Variants in EXOC6 observed in about 807,000 individuals in gnomAD.
The protein encoded by EXOC6 is SEC15-like 1.
Under a neutral mutation model 112.5 loss-of-function variants are expected in EXOC6, and 60 were observed. The ratio of observed to expected loss-of-function variants is 0.53; its 90% CI spans 0.43 to 0.66. The LOEUF is 0.66. Among genes scored for constraint, EXOC6 ranks in the 30% least tolerant of loss-of-function variants. The pLI, the probability that EXOC6 is intolerant of heterozygous loss-of-function variation, is 0.00. For missense variants in EXOC6, 855 were observed against 957.1 expected (o/e 0.89, Z 1.41); for synonymous variants, 295 against 308.0 (o/e 0.96, Z 0.44).
chr10:93,034,067 A>C (rs1330841254), intron 20 of EXOC6, among the ~76,000 whole-genome samples: 1 of 152,204 alleles, frequency 6.6e-6, no homozygotes, highest in African/African-American at 2.4e-5. Flanking sequence ...AACTATATAT[A>C]TTAACAATGG....
chr10:92,867,367 C>T (rs1344604348), intron 1 of EXOC6, among the ~76,000 whole-genome samples: 1 of 152,094 alleles, frequency 6.6e-6, no homozygotes, highest in Non-Finnish European at 1.5e-5. Context: ...CATGCAGTAA[C>T]TAGAAACCAC....
At chr10:93,038,063 A>AT (rs1259800045) in intron 20 of EXOC6, among the ~76,000 whole-genome samples, 18 of 149,724 alleles carry the variant, frequency 1.2e-4, no homozygotes, top group Non-Finnish European at 2.2e-4. Flanking sequence ...AAAAAAAAAA[A>AT]AAATTTTTCT....
intron 20 of EXOC6, among the ~76,000 whole-genome samples, chr10:93,043,212 G>A (rs1415170427): frequency 6.6e-6 from 1 of 152,060 alleles, no homozygotes; most frequent in Admixed American, 6.6e-5. Flanking sequence ...TGGGATTACG[G>A]GCCTGAGCCA....
chr10:92,941,651 A>G (rs1022434459), intron 13 of EXOC6, among the ~76,000 whole-genome samples: 1 of 152,202 alleles, frequency 6.6e-6, no homozygotes, highest in African/African-American at 2.4e-5. Context: ...AGAGACAGAA[A>G]TTTACAGCTT....
chr10:92,896,181 ATTTTTTTTTTTTTTTTTT>A (rs58783356), intron 4 of EXOC6, among the ~76,000 whole-genome samples: 705 of 10,172 alleles, frequency 0.069, 26 homozygotes, highest in Middle Eastern at 0.33. Context: ...ATATATATAT[ATTTTTTTTTTTTTTTTTT>A]TTTTTTTTTT....
intron 19 of EXOC6, among the ~76,000 whole-genome samples, chr10:93,000,646 A>G (rs1843716486): frequency 6.6e-6 from 1 of 152,134 alleles, no homozygotes; most frequent in Non-Finnish European, 1.5e-5. Context: ...TTCCTTTAAG[A>G]TTTTGCCTAT....
intron 1 of EXOC6, among the ~76,000 whole-genome samples, chr10:92,888,566 C>A (rs544616440): frequency 3.9e-5 from 6 of 152,216 alleles, no homozygotes; most frequent in African/African-American, 1.4e-4. Context: ...TTCGGGTAGT[C>A]CTGAAATATC....
intron 1 of EXOC6, among the ~76,000 whole-genome samples, chr10:92,881,412 C>T (rs1233021437): frequency 6.6e-6 from 1 of 152,172 alleles, no homozygotes; most frequent in Non-Finnish European, 1.5e-5. Flanking sequence ...GGACCTATGT[C>T]ATAATACTAC....
chr10:92,960,971 C>T (rs1341880912), intron 17 of EXOC6, among the ~76,000 whole-genome samples: 3 of 152,002 alleles, frequency 2.0e-5, no homozygotes, highest in Non-Finnish European at 4.4e-5. Flanking sequence ...TTGCTTTCAT[C>T]CTGGTTATTG....
At chr10:92,921,396 C>A (rs2133912308) in intron 8 of EXOC6, among the ~76,000 whole-genome samples, 1 of 152,038 alleles carries the variant, frequency 6.6e-6, no homozygotes, top group South Asian at 2.1e-4. Context: ...AGGCACCCGC[C>A]ACCATGGCCA....
chr10:92,981,601 C>G lies in EXOC6; in HGVS notation c.1953+7369C>G, dbSNP rs940246214. On this transcript the variant is annotated intron_variant, in intron 18 of 21. Coordinates refer to ENST00000260762, the MANE Select transcript of EXOC6 (RefSeq NM_019053.6). ...TCAATTTGTTCATTTTTCTTCCTTT[C>G]TAGAAACTCTTCATTGTTTTGTCTT... 2.6e-5 allele frequency among the ~76,000 whole-genome samples: 4 copies of G among 152,102 alleles called. No individual in the cohort carries two copies. The East Asian group carries it at 7.7e-4, about 29-fold the overall frequency.
chr10:93,033,893 A>G (rs541847545), intron 20 of EXOC6, among the ~76,000 whole-genome samples: 25 of 152,362 alleles, frequency 1.6e-4, no homozygotes, highest in Non-Finnish European at 3.7e-4. Flanking sequence ...ATTCTGAAAG[A>G]CAGCTAAAGG....
chr10:92,934,567 T>C lies in EXOC6; in HGVS notation c.1140+137T>C, dbSNP rs543385916. ...AGTTGCTTAGATTTGGAAGTAGTAA[T>C]GTCAGGCTTTTGTTTGGTAATATCA... On this transcript the variant is annotated intron_variant, in intron 11 of 21. Coordinates refer to ENST00000260762, the MANE Select transcript of EXOC6 (RefSeq NM_019053.6). 253 of 706,444 alleles carry C rather than the reference T, an allele frequency of 3.6e-4. 1 individual carries two copies. In the African/African-American group the frequency reaches 4.4e-3, roughly 12 times the overall value. 43.8% of individuals were successfully genotyped at this position (706,444 alleles called of 1,614,324 possible).
At chr10:93,015,616 C>G (rs1844471156) in intron 20 of EXOC6, among the ~76,000 whole-genome samples, 1 of 152,136 alleles carries the variant, frequency 6.6e-6, no homozygotes, top group African/African-American at 2.4e-5. Context: ...GCCTGTAGTC[C>G]CAGCTACTGG....
intron 18 of EXOC6, among the ~76,000 whole-genome samples, chr10:92,975,918 T>TGGGG (rs1366945210): frequency 9.9e-6 from 1 of 100,598 alleles, no homozygotes; most frequent in Non-Finnish European, 2.1e-5. Flanking sequence ...GGGAGGGAGG[T>TGGGG]GGGGGGGTCA....
upstream of EXOC6, among the ~76,000 whole-genome samples, chr10:92,843,728 G>A (rs911076497): frequency 2.0e-5 from 3 of 152,052 alleles, no homozygotes; most frequent in Non-Finnish European, 2.9e-5. Context: ...GGTGGCTCCC[G>A]CCTGTAATCC....
At chr10:93,057,857 C>T (rs1476860343) in intron 21 of EXOC6, among the ~76,000 whole-genome samples, 1 of 152,068 alleles carries the variant, frequency 6.6e-6, no homozygotes, top group East Asian at 1.9e-4. Context: ...TTTACATTTT[C>T]TAATGTTATT....
At chr10:93,032,482 G>A (rs925329252) in intron 20 of EXOC6, among the ~76,000 whole-genome samples, 1 of 152,166 alleles carries the variant, frequency 6.6e-6, no homozygotes, top group Admixed American at 6.5e-5. Flanking sequence ...AAAGTCTAAT[G>A]TTTTCATCTC....
At chr10:92,966,611 C>T (rs552716523) in intron 17 of EXOC6, among the ~76,000 whole-genome samples, 1 of 151,372 alleles carries the variant, frequency 6.6e-6, no homozygotes, top group East Asian at 1.9e-4. Flanking sequence ...CTACAAAGGA[C>T]ATGAACTCAT....
Sources: gnomAD v4.1 joint callset for allele counts (sites outside exome capture counted in the v4.1 genomes callset) on GRCh38, gnomAD v4.1.1 for gene constraint, MANE v1.5 for transcripts, NCBI Gene and HGNC (gene_info 2026-07-23, HGNC 2026-07-21) for gene names.